The following RALGPS1 variants were observed in gnomAD, a reference collection of about 807,000 sequenced individuals.
RALGPS1 encodes the protein Ral GEF with PH domain and SH3 binding motif 1.
Under a neutral mutation model 78.8 loss-of-function variants are expected in RALGPS1, and 19 were observed. The ratio of observed to expected loss-of-function variants is 0.24; its 90% confidence interval spans 0.17 to 0.35. RALGPS1 has a LOEUF of 0.35. Ranked by LOEUF, RALGPS1 falls within the 10% of genes least tolerant of loss-of-function variation. The pLI, the probability that RALGPS1 is intolerant of heterozygous loss-of-function variation, is 1.00. For synonymous variants in RALGPS1, 228 were observed against 256.3 expected, an observed-to-expected ratio of 0.89 and a Z score of 1.06; for missense variants, 454 against 688.3, an observed-to-expected ratio of 0.66 and a Z score of 3.81.
chr9:127,192,796 C>T (rs2061144888), intron 11 of RALGPS1, among the ~76,000 whole-genome samples: 1 of 152,194 alleles, frequency 6.6e-6, no homozygotes, highest in African/African-American at 2.4e-5. Context: ...AGAGAAGGAT[C>T]TCACGGAAGA....
At chr9:127,191,136 G>T (rs986501833) in intron 11 of RALGPS1, among the ~76,000 whole-genome samples, 1 of 152,082 alleles carries the variant, frequency 6.6e-6, no homozygotes, top group Non-Finnish European at 1.5e-5. Flanking sequence ...AGCTAATCCT[G>T]TGTTGGTTTA....
chr9:127,140,069 A>ATAT (rs1165786738), intron 8 of RALGPS1, among the ~76,000 whole-genome samples: 5 of 152,136 alleles, frequency 3.3e-5, no homozygotes, highest in African/African-American at 9.7e-5. Context: ...CAGCTTTTGT[A>ATAT]TATTATTATT....
rs182596473 is a variant in RALGPS1 at position 127,220,387 on chromosome 9, T to C, written c.*1618T>C. The C allele has an allele frequency of 1.9e-4, 29 of 152,356 alleles. No individual in the cohort carries two copies. The highest frequency in any genetic ancestry group is 6.3e-4 in the African/African-American group (26 of 41,590). 9.4% of individuals were successfully genotyped at this position (152,356 alleles called of 1,614,324 possible). On this transcript the variant is annotated 3_prime_UTR_variant, in exon 19 of 19. Coordinates refer to ENST00000259351, the MANE Select transcript of RALGPS1 (RefSeq NM_014636.3). ...AAATAATGACAACTTCTTTAGAAAT[T>C]TGAATGGCTTGGTGAGGAAAGTAGT...
intron 2 of RALGPS1, among the ~76,000 whole-genome samples, chr9:126,963,573 A>G (rs1191507379): frequency 6.6e-6 from 1 of 152,252 alleles, no homozygotes; most frequent in Admixed American, 6.5e-5. Flanking sequence ...ATTTACACCA[A>G]CATAGCCCCA....
intron 5 of RALGPS1, among the ~76,000 whole-genome samples, chr9:127,038,207 A>G (rs572612238): frequency 3.3e-5 from 5 of 152,386 alleles, no homozygotes; most frequent in African/African-American, 1.2e-4. Flanking sequence ...AAAAACATTT[A>G]TTGAGCATTA....
Position 127,205,074 on chromosome 9 carries a change from A to G in RALGPS1, c.1247+6008A>G, listed in dbSNP as rs1247020159. On this transcript the variant is annotated intron_variant, in intron 14 of 18. Transcript: ENST00000259351. This position sits in a 1 kb window ranked among gnomAD's most constrained non-coding sequence, Gnocchi z 4.0. ...GTCCCCCACACCTGTGGCTGAGGCC[A>G]GGATCCCAGGCTCTCATTCTTCCCC... Among the ~76,000 whole-genome samples, 4 of 152,232 alleles carry G rather than the reference A, an allele frequency of 2.6e-5. No homozygotes were observed. The highest frequency in any genetic ancestry group is 4.8e-5 in the African/African-American group (2 of 41,462).
intron 8 of RALGPS1, among the ~76,000 whole-genome samples, chr9:127,128,613 G>T (rs2056794104): frequency 6.6e-6 from 1 of 152,192 alleles, no homozygotes. Flanking sequence ...ACTGCCAGAA[G>T]CCTCCATCAG....
chr9:126,926,020 A>G (rs75845729), intron 1 of RALGPS1, among the ~76,000 whole-genome samples: 1,579 of 152,380 alleles, frequency 0.01, 12 homozygotes, highest in Middle Eastern at 0.027. Flanking sequence ...GGACTGTGCC[A>G]GAAATAATGG....
intron 8 of RALGPS1, among the ~76,000 whole-genome samples, chr9:127,084,518 C>G (rs982174959): frequency 5.9e-5 from 9 of 152,218 alleles, no homozygotes; most frequent in African/African-American, 2.2e-4. Context: ...ATGTGGGCCC[C>G]TCTTCCCACT....
intron 14 of RALGPS1, among the ~76,000 whole-genome samples, chr9:127,210,045 C>T (rs961443160): frequency 2.0e-5 from 3 of 152,126 alleles, no homozygotes; most frequent in South Asian, 2.1e-4. Flanking sequence ...GGTGCCTCCC[C>T]GCGAAGAGGC....
rs181806951 is a variant in RALGPS1, at chr9:127,212,844, C to T, written c.1447-100C>T. 304 of 1,570,412 alleles carry T rather than the reference C, an allele frequency of 1.9e-4. 2 individuals carry two copies. In the African/African-American group the frequency reaches 3.6e-3, roughly 18 times the overall value. On this transcript the variant is annotated intron_variant, in intron 16 of 18. Transcript: ENST00000259351. The surrounding 1 kb of genome is among the most constrained non-coding windows in gnomAD (Gnocchi z 6.0). ...ACTGCGGAGGATGCAGGTGGGAAGG[C>T]GGCAGGGGAGGGAGGAAGCCTTGCC...
chr9:126,989,923 C>G (rs759583462), intron 4 of RALGPS1: 1 of 1,550,518 alleles, frequency 6.4e-7, no homozygotes, highest in South Asian at 1.2e-5. Flanking sequence ...GGAAGACTCC[C>G]TGCAGAAGTC....
intron 4 of RALGPS1, among the ~76,000 whole-genome samples, chr9:126,981,126 AAAAAG>A (rs1199470687): frequency 1.3e-5 from 2 of 152,174 alleles, no homozygotes; most frequent in East Asian, 3.9e-4. Flanking sequence ...TTTAGCTTGA[AAAAAG>A]AAGGTACCTG....
intron 8 of RALGPS1, among the ~76,000 whole-genome samples, chr9:127,162,397 T>C (rs949025891): frequency 2.6e-5 from 4 of 152,270 alleles, no homozygotes; most frequent in African/African-American, 7.2e-5. Flanking sequence ...TTTAGGCTTA[T>C]ACATATCTCT....
At chr9:126,954,766 C>T (rs2038188837) in intron 1 of RALGPS1, among the ~76,000 whole-genome samples, 1 of 152,218 alleles carries the variant, frequency 6.6e-6, no homozygotes, top group African/African-American at 2.4e-5. Flanking sequence ...TGCGCCACTG[C>T]ACTCCAGCCT....
chr9:127,179,689 AACC>A lies in RALGPS1; in HGVS notation c.910+4909_910+4911del, dbSNP rs1301524328. On this transcript the variant is annotated intron_variant, in intron 11 of 18. Transcript: ENST00000259351. ...CACAAAGCTCACATTTTAGTCGGGG[AACC>A]AGGCAGCAAAAGCTGCCAGGGGCAA... Among the ~76,000 whole-genome samples, 4 of 152,340 alleles carry A rather than the reference AACC, an allele frequency of 2.6e-5. No homozygotes were observed. The East Asian group carries it at 7.7e-4, about 29-fold the overall frequency.
chr9:126,964,018 G>C (rs534967072), intron 2 of RALGPS1, among the ~76,000 whole-genome samples: 1 of 152,274 alleles, frequency 6.6e-6, no homozygotes, highest in Non-Finnish European at 1.5e-5. Flanking sequence ...ACTCTGCGTA[G>C]GTTCTCCTCA....
intron 8 of RALGPS1, among the ~76,000 whole-genome samples, chr9:127,139,014 A>G (rs932708010): frequency 6.6e-5 from 10 of 152,068 alleles, no homozygotes; most frequent in African/African-American, 9.7e-5. Flanking sequence ...TGATTCTTCT[A>G]TCTCTCCCTG....
chr9:126,924,302 A>C (rs149580073), intron 1 of RALGPS1, among the ~76,000 whole-genome samples: 60 of 152,352 alleles, frequency 3.9e-4, no homozygotes, highest in African/African-American at 1.4e-3. Flanking sequence ...TGCAAACTTG[A>C]CTTAGCCCAC....
Sources: allele counts gnomAD v4.1 joint callset (sites outside exome capture counted in the v4.1 genomes callset), GRCh38; gene constraint gnomAD v4.1.1; non-coding constraint Gnocchi (gnomAD v3.1); transcripts MANE v1.5; gene names NCBI Gene and HGNC (gene_info 2026-07-23, HGNC 2026-07-21).